The following BEND6 variants were observed in gnomAD, a reference collection of about 807,000 sequenced individuals.
BEND6 encodes the protein BEN domain-containing protein 6.
In BEND6, 24 loss-of-function variants were observed where a neutral mutation model predicts 31.8. The observed-to-expected ratio is 0.75, with a 90% CI of 0.55 to 1.06. The LOEUF (loss-of-function observed/expected upper bound fraction) is 1.06, where lower values mean the gene tolerates loss of function less well. BEND6 is among the 50% of genes least tolerant of loss of function. The pLI is 0.00. For synonymous variants in BEND6, 109 were observed against 114.6 expected, an observed-to-expected ratio of 0.95 and a Z score of 0.31; for missense variants, 294 against 327.4, an observed-to-expected ratio of 0.90 and a Z score of 0.79.
At chr6:56,955,663 G>T (rs1302881673) in intron 1 of BEND6, among the ~76,000 whole-genome samples, 1 of 152,216 alleles carries the variant, frequency 6.6e-6, no homozygotes, top group Non-Finnish European at 1.5e-5. Context: ...TCGCAGCTAA[G>T]AATTGGGCAC....
intron 4 of BEND6, among the ~76,000 whole-genome samples, chr6:57,015,830 A>G (rs2127891171): frequency 6.6e-6 from 1 of 151,536 alleles, no homozygotes; most frequent in Non-Finnish European, 1.5e-5. Context: ...AAAAAAAAGA[A>G]GAGGCATAAG....
chr6:56,967,989 A>G (rs1825545087), intron 1 of BEND6, among the ~76,000 whole-genome samples: 1 of 152,224 alleles, frequency 6.6e-6, no homozygotes, highest in African/African-American at 2.4e-5. Context: ...ATAGCACCTT[A>G]TATATACTAA....
chr6:56,997,158 C>A (rs1002096257), intron 3 of BEND6, among the ~76,000 whole-genome samples: 1 of 152,188 alleles, frequency 6.6e-6, no homozygotes, highest in African/African-American at 2.4e-5. Context: ...CCGAAGACAT[C>A]AGGCATGATC....
rs535849565 is a variant in BEND6 at position 57,021,845 on chromosome 6, G to A, written c.*9+3288G>A. 1.1e-4 allele frequency among the ~76,000 whole-genome samples: 17 copies of A among 152,224 alleles called. No individual in the cohort carries two copies. The South Asian group carries it at 2.1e-3, about 19-fold the overall frequency. On this transcript the variant is annotated intron_variant, in intron 6 of 6. Coordinates refer to ENST00000370746, the MANE Select transcript of BEND6 (RefSeq NM_152731.3). ...CAGTGGTGCTAAAATGGTGGGGGGC[G>A]GCGGAGAGGGAGGTGTGATTTAGCC... is the stretch of plus-strand genomic sequence containing the variant.
chr6:57,012,499 G>A (rs1438157180), intron 3 of BEND6, among the ~76,000 whole-genome samples: 1 of 152,126 alleles, frequency 6.6e-6, no homozygotes, highest in Admixed American at 6.5e-5. Context: ...TTTTAAATGG[G>A]CGCACCCATT....
intron 1 of BEND6, among the ~76,000 whole-genome samples, chr6:56,964,627 A>G (rs993403747): frequency 2.6e-5 from 4 of 152,036 alleles, no homozygotes; most frequent in Non-Finnish European, 4.4e-5. Context: ...ATAACCTCCC[A>G]AGTAGCTGAG....
At chr6:57,013,094 A>AT (rs544989971) in intron 3 of BEND6, among the ~76,000 whole-genome samples, 27 of 152,186 alleles carry the variant, frequency 1.8e-4, no homozygotes, top group African/African-American at 6.0e-4. Flanking sequence ...AAGAATTGTG[A>AT]TTTTTTATTT....
chr6:57,011,091 G>A (rs964212146), intron 3 of BEND6: 13 of 157,286 alleles, frequency 8.3e-5, no homozygotes, highest in Admixed American at 5.2e-4. Flanking sequence ...ATTGATAGAA[G>A]AAATTCTAAT....
chr6:56,997,975 G>A (rs564698013), intron 3 of BEND6, among the ~76,000 whole-genome samples: 1 of 151,998 alleles, frequency 6.6e-6, no homozygotes, highest in African/African-American at 2.4e-5. Flanking sequence ...GTGTGGGGGT[G>A]GGGGGCGGCA....
At chr6:56,972,070 T>TA (rs1442149319) in intron 1 of BEND6, among the ~76,000 whole-genome samples, 1 of 149,268 alleles carries the variant, frequency 6.7e-6, no homozygotes. Context: ...GTTTTCTTTT[T>TA]ACTTTACTTT....
chr6:56,983,893 C>A (rs1826155446), intron 2 of BEND6, among the ~76,000 whole-genome samples: 2 of 152,090 alleles, frequency 1.3e-5, no homozygotes, highest in Non-Finnish European at 2.9e-5. Context: ...CAAACAATGA[C>A]AAAGTAAATA....
At chr6:56,975,870 T>C in intron 1 of BEND6, 1 of 529,434 alleles carries the variant, frequency 1.9e-6, no homozygotes, top group Non-Finnish European at 3.8e-6. Context: ...TCATCAGTCA[T>C]AGAGCCAACA....
chr6:56,983,623 T>A (rs1484020641), intron 2 of BEND6, among the ~76,000 whole-genome samples: 1 of 152,200 alleles, frequency 6.6e-6, no homozygotes, highest in Non-Finnish European at 1.5e-5. Flanking sequence ...ATCTACATTG[T>A]GGCAAATAGC....
Position 56,975,601 on chromosome 6 carries a change from A to G in BEND6, c.-100-6110A>G, listed in dbSNP as rs79867747. On this transcript the variant is annotated intron_variant, in intron 1 of 6. Coordinates refer to ENST00000370746, the MANE Select transcript of BEND6 (RefSeq NM_152731.3). ...TATCCACTTATTTCTTCTCGAAAGC[A>G]CTCTAGCCCATCAGATAGCCCAGCA... 4.1e-3 allele frequency: 1,376 copies of G among 337,042 alleles called. 39 individuals are homozygous for G. The Admixed American group carries it at 0.042, about 10-fold the overall frequency. 20.9% of individuals were successfully genotyped at this position (337,042 alleles called of 1,614,324 possible). A position where few individuals can be genotyped will look rare whatever the true frequency, so the allele number is the denominator to read the frequency against.
At chr6:56,956,861 CAGGAA>C (rs753280792) in intron 1 of BEND6, among the ~76,000 whole-genome samples, 1 of 152,182 alleles carries the variant, frequency 6.6e-6, no homozygotes, top group Non-Finnish European at 1.5e-5. Flanking sequence ...TGTGGCACAT[CAGGAA>C]AGGAAGAATT....
In BEND6 at chr6:57,018,491, C is replaced by A; in HGVS notation, c.783C>A (p.Asn261Lys). 6.3e-7 allele frequency: 1 copy of A among 1,587,506 alleles called. No individual in the cohort carries two copies. ...GGAGAATGATAGGGCAAAAGCTAAACAACTGTACCAAGAAGCCAAATTTAA... is the reference window on the plus strand; with the variant it reads ...GGAGAATGATAGGGCAAAAGCTAAAAAACTGTACCAAGAAGCCAAATTTAA... ...SIRRMIGQKL[N>K]NCTKKPNLSK... Residue 261 changes from asparagine to lysine, a missense_variant, in exon 6 of 7, where the codon AAC becomes AAA. Physicochemically the swap from Asn to Lys is moderately conservative, Grantham distance 94 (BLOSUM62 0). Coordinates refer to ENST00000370746, the MANE Select transcript of BEND6 (RefSeq NM_152731.3).
At chr6:57,014,264 AG>A (rs1242866449) in intron 3 of BEND6, among the ~76,000 whole-genome samples, 1 of 152,262 alleles carries the variant, frequency 6.6e-6, no homozygotes, top group Non-Finnish European at 1.5e-5. Flanking sequence ...CCTTTAATAT[AG>A]TACCAGATAT....
chr6:57,004,251 A>G (rs935032231), intron 3 of BEND6, among the ~76,000 whole-genome samples: 1 of 152,150 alleles, frequency 6.6e-6, no homozygotes, highest in Non-Finnish European at 1.5e-5. Flanking sequence ...TTTGCTGACA[A>G]TATGAGTCTA....
At chr6:56,957,364 A>G (rs1294200097) in intron 1 of BEND6, among the ~76,000 whole-genome samples, 2 of 152,224 alleles carry the variant, frequency 1.3e-5, no homozygotes, top group Non-Finnish European at 2.9e-5. Flanking sequence ...AAATCCTTGA[A>G]AGAATTTAGT....
Sources: gnomAD v4.1 joint callset for allele counts (sites outside exome capture counted in the v4.1 genomes callset) on GRCh38, gnomAD v4.1.1 for gene constraint, MANE v1.5 for transcripts, NCBI Gene and HGNC (gene_info 2026-07-23, HGNC 2026-07-21) for gene names.